The following SYT14 variants were observed in gnomAD, a reference collection of about 807,000 sequenced individuals.
SYT14 encodes the protein synaptotagmin-14.
SYT14 carries 32 observed loss-of-function variants against 74.2 expected under a neutral mutation model. That is an observed-to-expected ratio of 0.43 (90% CI 0.33 to 0.58). The LOEUF (loss-of-function observed/expected upper bound fraction) is 0.58, where lower values mean the gene tolerates loss of function less well. Ranked by LOEUF, SYT14 falls within the 20% of genes least tolerant of loss-of-function variation. The pLI, the probability that SYT14 is intolerant of heterozygous loss-of-function variation, is 0.05. For synonymous variants in SYT14, 298 were observed against 337.7 expected (o/e 0.88, Z 1.29); for missense variants, 791 against 981.8 (o/e 0.81, Z 2.60).
At chr1:209,960,306 A>G (rs1187672397) in intron 2 of SYT14, among the ~76,000 whole-genome samples, 2 of 152,208 alleles carry the variant, frequency 1.3e-5, no homozygotes, top group African/African-American at 4.8e-5. Flanking sequence ...TGTAGAAAAA[A>G]GTCTCTGTAG....
At chr1:210,165,328 G>A (rs112277010) in exon 10 of SYT14, 21 of 152,238 alleles carry the variant, frequency 1.4e-4, no homozygotes, top group Admixed American at 5.2e-4. Flanking sequence ...AAAGAGAAAA[G>A]ACTAGAAAAG....
intron 7 of SYT14, among the ~76,000 whole-genome samples, chr1:210,126,986 T>C (rs1572347312): frequency 6.6e-6 from 1 of 152,208 alleles, no homozygotes; most frequent in African/African-American, 2.4e-5. Flanking sequence ...GTTATGTTCC[T>C]TAGTGGATGG....
intron 1 of SYT14, among the ~76,000 whole-genome samples, chr1:209,939,911 T>G (rs927205650): frequency 6.6e-6 from 1 of 152,242 alleles, no homozygotes; most frequent in Non-Finnish European, 1.5e-5. Context: ...TAAGTGTTAC[T>G]GATTCATTTT....
chr1:210,007,629 C>T lies in SYT14; in HGVS notation c.-485-6004C>T, dbSNP rs549934144. On this transcript the variant is annotated intron_variant, in intron 2 of 9. Coordinates refer to ENST00000637265, the Ensembl canonical transcript of SYT14. ...TGCTATTTTTTAACATATATAAGAGCTATAAATAAAATATTTGCACATAAT... is the reference window on the plus strand; with the variant it reads ...TGCTATTTTTTAACATATATAAGAGTTATAAATAAAATATTTGCACATAAT... 1.2e-4 allele frequency among the ~76,000 whole-genome samples: 18 copies of T among 152,018 alleles called. No homozygotes were observed. In the East Asian group the frequency reaches 3.5e-3, roughly 29 times the overall value.
At chr1:210,076,238 A>AAAAGCTG (rs2102463140) in intron 5 of SYT14, among the ~76,000 whole-genome samples, 1 of 152,304 alleles carries the variant, frequency 6.6e-6, no homozygotes, top group African/African-American at 2.4e-5. Flanking sequence ...GGAACCCCAA[A>AAAAGCTG]AAAGCTGAAA....
At chr1:210,095,902 A>G (rs1461149885) in intron 6 of SYT14, among the ~76,000 whole-genome samples, 1 of 152,108 alleles carries the variant, frequency 6.6e-6, no homozygotes, top group Admixed American at 6.6e-5. Flanking sequence ...GTGTTCCATT[A>G]CCTAAACAAA....
chr1:210,131,192 CTGT>C (rs1336478097), intron 7 of SYT14, among the ~76,000 whole-genome samples: 1 of 152,136 alleles, frequency 6.6e-6, no homozygotes, highest in Non-Finnish European at 1.5e-5. Context: ...ATCATCATCA[CTGT>C]TGTTTCTACT....
intron 2 of SYT14, among the ~76,000 whole-genome samples, chr1:209,976,510 A>G (rs544303731): frequency 1.7e-3 from 263 of 151,846 alleles, no homozygotes; most frequent in Non-Finnish European, 2.3e-3. Context: ...GTAGTTGAGC[A>G]GTTTTGAGTG....
chr1:209,998,021 C>T (rs144181551), intron 2 of SYT14, among the ~76,000 whole-genome samples: 8 of 151,802 alleles, frequency 5.3e-5, no homozygotes, highest in Non-Finnish European at 7.4e-5. Flanking sequence ...TAAATTTTGC[C>T]GTCTTTTTTG....
exon 10 of SYT14, chr1:210,166,104 G>A (rs1014419208): frequency 6.6e-6 from 1 of 152,150 alleles, no homozygotes; most frequent in African/African-American, 2.4e-5. Flanking sequence ...GTAGAAGAGT[G>A]CAACATGGAA....
chr1:210,159,540 C>G (rs1222369752), intron 9 of SYT14, 63 bp downstream of exon 8: 1 of 1,447,242 alleles, frequency 6.9e-7, no homozygotes, highest in African/African-American at 1.4e-5. Flanking sequence ...TACCCTAAAA[C>G]TTGCCAGCAG....
chr1:210,133,151 C>A (rs1157271360), intron 7 of SYT14, among the ~76,000 whole-genome samples: 1 of 152,114 alleles, frequency 6.6e-6, no homozygotes, highest in Non-Finnish European at 1.5e-5. Flanking sequence ...TGCAGTTATA[C>A]CCCTTTCTAG....
At chr1:210,148,410 G>A (rs1349545984) in intron 7 of SYT14, among the ~76,000 whole-genome samples, 1 of 151,986 alleles carries the variant, frequency 6.6e-6, no homozygotes, top group African/African-American at 2.4e-5. Flanking sequence ...GCAGGAGGCT[G>A]AGGCAGGAGA....
intron 7 of SYT14, among the ~76,000 whole-genome samples, chr1:210,147,731 C>T (rs2083070466): frequency 6.6e-6 from 1 of 152,048 alleles, no homozygotes; most frequent in Admixed American, 6.6e-5. Context: ...GAGATAAGTA[C>T]TGTGGGGTGG....
At chr1:209,955,140 CTGTT>C (rs1457973723) in intron 2 of SYT14, among the ~76,000 whole-genome samples, 1 of 152,172 alleles carries the variant, frequency 6.6e-6, no homozygotes, top group South Asian at 2.1e-4. Flanking sequence ...ATCTTTTACT[CTGTT>C]TGATTTTATC....
At chr1:210,150,271 A>C (rs2083131707) in intron 7 of SYT14, among the ~76,000 whole-genome samples, 1 of 152,210 alleles carries the variant, frequency 6.6e-6, no homozygotes, top group Non-Finnish European at 1.5e-5. Context: ...GCCTGGATCA[A>C]TGAGTGCCTG....
chr1:210,039,995 C>T (rs1175082461), intron 5 of SYT14, among the ~76,000 whole-genome samples: 3 of 151,998 alleles, frequency 2.0e-5, no homozygotes, highest in Admixed American at 2.0e-4. Context: ...GATGTAGAAC[C>T]AGAAATACCG....
intron 5 of SYT14, among the ~76,000 whole-genome samples, chr1:210,051,304 G>T (rs2080990587): frequency 6.6e-6 from 1 of 152,162 alleles, no homozygotes; most frequent in Non-Finnish European, 1.5e-5. Flanking sequence ...CAATAAGGTT[G>T]TACAGTATAC....
exon 10 of SYT14, chr1:210,161,308 TTTTGA>T (rs1409353888): frequency 1.8e-6 from 1 of 569,162 alleles, no homozygotes; most frequent in Admixed American, 2.2e-5. Flanking sequence ...AATAAGATGT[TTTTGA>T]TTTGAAGTTA....
Sources: gnomAD v4.1 joint callset for allele counts (sites outside exome capture counted in the v4.1 genomes callset) on GRCh38, gnomAD v4.1.1 for gene constraint, MANE v1.5 for transcripts, NCBI Gene and HGNC (gene_info 2026-07-23, HGNC 2026-07-21) for gene names.